OSBPL10: variants seen among roughly 807,000 people sequenced by gnomAD.
OSBPL10 encodes oxysterol binding protein like 10, also known as oxysterol-binding protein-related protein 10.
Under a neutral mutation model 81.7 loss-of-function variants are expected in OSBPL10, and 49 were observed. The observed-to-expected ratio is 0.60, with a 90% confidence interval of 0.48 to 0.76. The LOEUF is 0.76. OSBPL10 is among the 30% of genes least tolerant of loss of function. The pLI is 0.00. For missense variants in OSBPL10, 923 were observed against 987.8 expected, an observed-to-expected ratio of 0.93 and a Z score of 0.88; for synonymous variants, 419 against 383.6, an observed-to-expected ratio of 1.09 and a Z score of -1.08.
intron 7 of OSBPL10, among the ~76,000 whole-genome samples, chr3:31,697,876 C>G (rs1158018234): frequency 6.6e-6 from 1 of 152,072 alleles, no homozygotes; most frequent in Non-Finnish European, 1.5e-5. Flanking sequence ...GATTCTCCTG[C>G]CTCAGCCTCC....
intron 2 of OSBPL10, chr3:32,030,391 A>G: frequency 1.6e-6 from 1 of 617,614 alleles, no homozygotes; most frequent in East Asian, 3.3e-5. Flanking sequence ...AAGAGTCTAC[A>G]ATGTGACCCA....
Position 31,854,301 on chromosome 3 carries a change from G to A in OSBPL10, c.537+22132C>T, listed in dbSNP as rs543654233. 3.2e-3 allele frequency among the ~76,000 whole-genome samples: 490 copies of A among 152,168 alleles called. 5 individuals are homozygous for A. Among genetic ancestry groups the A allele is most frequent in the South Asian group, 0.021 (103 of 4,820 alleles). ...CGTCATCTTCCACAATACACTGTGC[G>A]CCTCACTCTCCAAGCCCAAGTGTTC... is the stretch of plus-strand genomic sequence containing the variant. On this transcript the variant is annotated intron_variant, in intron 3 of 11. Coordinates refer to ENST00000396556, the MANE Select transcript of OSBPL10 (RefSeq NM_017784.5).
chr3:31,901,899 G>A lies in OSBPL10; in HGVS notation c.282-22069C>T, dbSNP rs145682179. ...GTAAAAATCAGCTAGGTATGGTGCC[G>A]CGCACCTGTGGTCCCAGCTACTTGG... On this transcript the variant is annotated intron_variant, in intron 1 of 11. Coordinates refer to ENST00000396556, the MANE Select transcript of OSBPL10 (RefSeq NM_017784.5). Among the ~76,000 whole-genome samples, 415 of 152,190 alleles carry A rather than the reference G, an allele frequency of 2.7e-3. 1 individual carries two copies. Among genetic ancestry groups the A allele is most frequent in the African/African-American group, 9.8e-3 (405 of 41,522 alleles).
At position 32,054,526 on chromosome 3, in the gene OSBPL10, C is replaced by CTTTTTTT. The variant is rs755489489; in HGVS notation, n.186-7930_186-7924dup. On this transcript the variant is annotated intron_variant and non_coding_transcript_variant, in intron 1 of 3. Transcript: ENST00000479173. ...ACCAACATTTCCTGGTCAATGGTGG[C>CTTTTTTT]TTTTTTTTTTTTTTTTTTTTTTTGA... Among the ~76,000 whole-genome samples, 142 of 86,626 alleles carry CTTTTTTT rather than the reference C, an allele frequency of 1.6e-3. 5 individuals carry two copies. Among genetic ancestry groups the CTTTTTTT allele is most frequent in the Middle Eastern group, 0.015 (1 of 68 alleles). 56.8% of individuals were successfully genotyped at this position (86,626 alleles called of 152,430 possible).
At chr3:31,757,715 A>T (rs898352364) in intron 4 of OSBPL10, among the ~76,000 whole-genome samples, 3 of 152,248 alleles carry the variant, frequency 2.0e-5, no homozygotes, top group Non-Finnish European at 2.9e-5. Context: ...AAGTTCCTTC[A>T]AAGCAATCTC....
intron 1 of OSBPL10, among the ~76,000 whole-genome samples, chr3:32,048,495 C>T (rs888420972): frequency 3.3e-5 from 5 of 151,842 alleles, no homozygotes; most frequent in East Asian, 1.9e-4. Flanking sequence ...TCAGTAGAGG[C>T]GGGGTTTCAC....
intron 3 of OSBPL10, among the ~76,000 whole-genome samples, chr3:31,863,960 A>T (rs1701116130): frequency 6.6e-6 from 1 of 152,170 alleles, no homozygotes. Context: ...CAGGTAAAGG[A>T]GAAGAAGAAG....
intron 1 of OSBPL10, among the ~76,000 whole-genome samples, chr3:32,062,042 G>T (rs12495666): frequency 0.59 from 53,817 of 91,538 alleles, 23,269 homozygotes; most frequent in East Asian, 0.84. Flanking sequence ...CCAACTACAG[G>T]TCCTTTTTTA....
At chr3:31,875,195 A>C (rs961070355) in intron 3 of OSBPL10, among the ~76,000 whole-genome samples, 15 of 152,222 alleles carry the variant, frequency 9.9e-5, no homozygotes, top group South Asian at 2.1e-4. Flanking sequence ...AGATATACTA[A>C]ATTTACTAGA....
At chr3:31,694,361 A>ACT (rs369843395) in intron 7 of OSBPL10, among the ~76,000 whole-genome samples, 72 of 108,586 alleles carry the variant, frequency 6.6e-4, no homozygotes, top group African/African-American at 2.5e-3. Flanking sequence ...ACAGAGTAAG[A>ACT]CTCTGTCTCA....
At chr3:32,050,329 G>T (rs979764929) in intron 1 of OSBPL10, among the ~76,000 whole-genome samples, 2 of 152,174 alleles carry the variant, frequency 1.3e-5, no homozygotes, top group Non-Finnish European at 2.9e-5. Context: ...ACGGTGGCAT[G>T]AATTCAGGGT....
intron 6 of OSBPL10, chr3:31,710,968 T>C (rs571560113): frequency 2.6e-5 from 4 of 152,356 alleles, no homozygotes; most frequent in South Asian, 2.1e-4. Context: ...ATACTGAAGA[T>C]AGAAATTTGC....
intron 2 of OSBPL10, among the ~76,000 whole-genome samples, chr3:32,035,357 T>C (rs534684960): frequency 3.3e-5 from 5 of 151,626 alleles, no homozygotes; most frequent in African/African-American, 7.3e-5. Context: ...AGCTCAAGAG[T>C]TCGAGACCAG....
At chr3:31,933,970 T>C (rs555021266) in intron 1 of OSBPL10, among the ~76,000 whole-genome samples, 9 of 151,532 alleles carry the variant, frequency 5.9e-5, no homozygotes, top group African/African-American at 1.9e-4. Context: ...ACATCTCTGA[T>C]AGTATGACGA....
At chr3:31,831,177 C>T (rs527476188) in intron 3 of OSBPL10, among the ~76,000 whole-genome samples, 3 of 152,084 alleles carry the variant, frequency 2.0e-5, no homozygotes, top group East Asian at 1.9e-4. Flanking sequence ...GAGGCCAAGG[C>T]GGGCAGATCA....
intron 1 of OSBPL10, among the ~76,000 whole-genome samples, chr3:31,910,017 C>G (rs1195386294): frequency 7.2e-6 from 1 of 138,650 alleles, no homozygotes; most frequent in Admixed American, 7.7e-5. Flanking sequence ...GAACCTTGCT[C>G]TGTCACCAGG....
At position 31,684,560 on chromosome 3, in the gene OSBPL10, G is replaced by A. The variant is rs114377769; in HGVS notation, c.1246-446C>T. 9.4e-3 allele frequency among the ~76,000 whole-genome samples: 1,430 copies of A among 152,320 alleles called. 12 individuals carry two copies. Among genetic ancestry groups the A allele is most frequent in the Non-Finnish European group, 0.012 (817 of 68,032 alleles). ...TGTTCTCACAAACATGGATACTGGG[G>A]TTTGTTGGTGCCACTTCATAGGGGG... is the stretch of plus-strand genomic sequence containing the variant. On this transcript the variant is annotated intron_variant, in intron 7 of 11. Coordinates refer to ENST00000396556, the MANE Select transcript of OSBPL10 (RefSeq NM_017784.5).
chr3:31,916,186 G>C, intron 1 of OSBPL10, among the ~76,000 whole-genome samples: 1 of 151,664 alleles, frequency 6.6e-6, no homozygotes, highest in East Asian at 1.9e-4. Flanking sequence ...TTTTGATACT[G>C]ATCAAATTCT....
At chr3:31,959,336 T>C (rs1305488101) in intron 1 of OSBPL10, among the ~76,000 whole-genome samples, 1 of 152,260 alleles carries the variant, frequency 6.6e-6, no homozygotes, top group Non-Finnish European at 1.5e-5. Context: ...AGGCCAGTTC[T>C]GTATTCATAA....
Sources: allele counts gnomAD v4.1 joint callset (sites outside exome capture counted in the v4.1 genomes callset), GRCh38; gene constraint gnomAD v4.1.1; transcripts MANE v1.5; gene names NCBI Gene and HGNC (gene_info 2026-07-23, HGNC 2026-07-21).